Variants in PCDHA7 observed in about 807,000 individuals in gnomAD.
PCDHA7 encodes the protein protocadherin alpha-7.
A neutral mutation model predicts 57.2 loss-of-function variants in PCDHA7; 37 were observed. That is an observed-to-expected ratio of 0.65 (90% CI 0.50 to 0.85). The LOEUF (loss-of-function observed/expected upper bound fraction) is 0.85, where lower values mean the gene tolerates loss of function less well. Among genes scored for constraint, PCDHA7 ranks in the 40% least tolerant of loss-of-function variants. The pLI, the probability that PCDHA7 is intolerant of heterozygous loss-of-function variation, is 0.00. For synonymous variants in PCDHA7, 553 were observed against 558.8 expected, an observed-to-expected ratio of 0.99 and a Z score of 0.15; for missense variants, 1,188 against 1,241.8, an observed-to-expected ratio of 0.96 and a Z score of 0.65.
chr5:140,853,897 G>A, intron 1 of PCDHA7: 2 of 967,612 alleles, frequency 2.1e-6, no homozygotes, highest in Non-Finnish European at 2.5e-6. Context: ...AAAAGATGTG[G>A]TGGCCTGACA....
chr5:140,928,657 G>A (rs781811102), intron 1 of PCDHA7: 11 of 1,614,102 alleles, frequency 6.8e-6, no homozygotes, highest in Non-Finnish European at 9.3e-6. Context: ...AGAGGATGCT[G>A]ACAGTGGTTC....
intron 1 of PCDHA7, among the ~76,000 whole-genome samples, chr5:140,963,203 AAAAC>A (rs1457721166): frequency 6.6e-6 from 1 of 152,100 alleles, no homozygotes; most frequent in African/African-American, 2.4e-5. Context: ...AATGAAAAAA[AAAAC>A]CTCGTGTTTA....
chr5:140,869,141 G>T (rs782396331), intron 1 of PCDHA7: 1 of 1,613,314 alleles, frequency 6.2e-7, no homozygotes, highest in African/African-American at 1.3e-5. Flanking sequence ...GGCACCCCAC[G>T]ACTACAGCTC....
chr5:140,881,220 G>A (rs1437715335), intron 1 of PCDHA7: 1 of 247,310 alleles, frequency 4.0e-6, no homozygotes, highest in Non-Finnish European at 6.5e-6. Context: ...TTGTTTCTTG[G>A]AAAATTAAAG....
intron 1 of PCDHA7, chr5:140,968,831 C>T (rs1469537973): frequency 1.2e-6 from 2 of 1,614,020 alleles, no homozygotes; most frequent in Non-Finnish European, 8.5e-7. Flanking sequence ...CAAAATCCTC[C>T]CTGACACTCA....
intron 1 of PCDHA7, chr5:140,883,598 G>T (rs782009650): frequency 1.2e-6 from 2 of 1,614,008 alleles, no homozygotes; most frequent in Middle Eastern, 1.7e-4. Flanking sequence ...CGTGTCGGTG[G>T]GGGTGGCCGA....
chr5:140,865,572 A>T (rs2048923193), intron 1 of PCDHA7: 1 of 152,224 alleles, frequency 6.6e-6, no homozygotes, highest in African/African-American at 2.4e-5. Context: ...TCAGTAACTC[A>T]TGATAATAAA....
rs2150481725 is a variant in PCDHA7, at chr5:140,850,382, C to A, written c.2355+13644C>A. On this transcript the variant is annotated intron_variant, in intron 1 of 3. Transcript: ENST00000525929. ...CGTTCCGCGTGGGGCTGTACACGGG[C>A]GAGATCAGCACAACGCGTGCCCTGG... 3.2e-5 allele frequency: 51 copies of A among 1,597,762 alleles called. 3 individuals are homozygous for A. In the African/African-American group the frequency reaches 5.9e-4, roughly 19 times the overall value.
At chr5:140,862,316 C>G (rs2047308112) in intron 1 of PCDHA7, 1 of 317,936 alleles carries the variant, frequency 3.1e-6, no homozygotes, top group Non-Finnish European at 6.2e-6. Context: ...CGTCATAGCC[C>G]TAATCAGTGT....
At chr5:140,879,813 T>C in intron 1 of PCDHA7, among the ~76,000 whole-genome samples, 1 of 152,346 alleles carries the variant, frequency 6.6e-6, no homozygotes, top group African/African-American at 2.4e-5. Flanking sequence ...CTATTGGCTG[T>C]TGGTGTTCCC....
intron 1 of PCDHA7, among the ~76,000 whole-genome samples, chr5:140,845,529 C>T (rs1215652853): frequency 6.7e-6 from 1 of 149,420 alleles, no homozygotes; most frequent in Non-Finnish European, 1.5e-5. Context: ...TAATACTTTT[C>T]ACTATTCTAA....
chr5:141,009,739 C>A lies in PCDHA7; in HGVS notation c.2616C>A (p.Pro872=), dbSNP rs370989006. Residue 872 remains proline, a synonymous_variant, in exon 4 of 4, where the codon CCC becomes CCA. Transcript: ENST00000525929. ...AACAATCCGGTCCCGGTGAGTTGCC[C>A]GACAAATTCATTATCCCAGGATCTC... ...NPKQSGPGEL[P]DKFIIPGSPA... 2 of 1,614,010 alleles carry A rather than the reference C, an allele frequency of 1.2e-6. No homozygotes were observed. Among genetic ancestry groups the A allele is most frequent in the Non-Finnish European group, 1.7e-6 (2 of 1,180,008 alleles).
At chr5:140,884,519 T>G in intron 1 of PCDHA7, 1 of 1,614,042 alleles carries the variant, frequency 6.2e-7, no homozygotes, top group Non-Finnish European at 8.5e-7. Context: ...TTGGTCGTAC[T>G]CGCAGCAGAG....
chr5:140,942,808 C>T (rs1175421349), intron 1 of PCDHA7, among the ~76,000 whole-genome samples: 1 of 151,920 alleles, frequency 6.6e-6, no homozygotes, highest in East Asian at 1.9e-4. Context: ...TTTCCACAAA[C>T]TAGTTGGATT....
chr5:140,914,933 T>C (rs1025071911), intron 1 of PCDHA7, among the ~76,000 whole-genome samples: 1 of 149,146 alleles, frequency 6.7e-6, no homozygotes, highest in Non-Finnish European at 1.5e-5. Flanking sequence ...TACTATGTTG[T>C]GAAAAGTTGT....
chr5:140,882,990 A>C, intron 1 of PCDHA7: 1 of 1,614,130 alleles, frequency 6.2e-7, no homozygotes, highest in East Asian at 2.2e-5. Context: ...AACGCCCCGG[A>C]ATTTTACCAA....
At chr5:140,892,811 T>C (rs1554185379) in intron 1 of PCDHA7, among the ~76,000 whole-genome samples, 1 of 152,210 alleles carries the variant, frequency 6.6e-6, no homozygotes, top group Non-Finnish European at 1.5e-5. Context: ...TAACCATATT[T>C]ATCCTACAGT....
chr5:140,877,062 G>T, intron 1 of PCDHA7: 3 of 1,612,992 alleles, frequency 1.9e-6, no homozygotes, highest in Non-Finnish European at 2.5e-6. Flanking sequence ...AGCTGGAGCT[G>T]CTGCAGTTCC....
chr5:140,848,857 T>C (rs2150422920), intron 1 of PCDHA7: 1 of 1,590,410 alleles, frequency 6.3e-7, no homozygotes, highest in Non-Finnish European at 8.6e-7. Context: ...CATGTGGACG[T>C]GGAGGTGAAG....
Sources: allele counts gnomAD v4.1 joint callset (sites outside exome capture counted in the v4.1 genomes callset), GRCh38; gene constraint gnomAD v4.1.1; transcripts MANE v1.5; gene names NCBI Gene and HGNC (gene_info 2026-07-23, HGNC 2026-07-21).